ITGAM: variants seen among roughly 807,000 people sequenced by gnomAD.
ITGAM encodes integrin alpha-M.
In ITGAM, 79 loss-of-function variants were observed where a neutral mutation model predicts 137.5. The ratio of observed to expected loss-of-function variants is 0.57; its 90% CI spans 0.48 to 0.69. The LOEUF (loss-of-function observed/expected upper bound fraction) is 0.69. Ranked by LOEUF, ITGAM falls within the 30% of genes least tolerant of loss-of-function variation. ITGAM has a pLI of 0.00. For synonymous variants in ITGAM, 583 were observed against 592.3 expected (o/e 0.98, Z 0.23); for missense variants, 1,343 against 1,483.5 (o/e 0.91, Z 1.56).
chr16:31,293,260 T>G (rs1352193327), intron 12 of ITGAM, among the ~76,000 whole-genome samples: 1 of 152,208 alleles, frequency 6.6e-6, no homozygotes, highest in African/African-American at 2.4e-5. Flanking sequence ...TAGATGCCAT[T>G]TGTCAATTTT....
chr16:31,287,719 C>A (rs1281026943), intron 12 of ITGAM, among the ~76,000 whole-genome samples: 1 of 152,056 alleles, frequency 6.6e-6, no homozygotes, highest in Non-Finnish European at 1.5e-5. Context: ...CTCCTGATAC[C>A]TGAACAGCTT....
intron 8 of ITGAM, 68 bp downstream of exon 8, chr16:31,273,586 A>G (rs992971676): frequency 3.4e-6 from 5 of 1,469,854 alleles, no homozygotes; most frequent in East Asian, 2.3e-5. Context: ...CCTCCCTTCA[A>G]TTTGCAAATA....
intron 12 of ITGAM, among the ~76,000 whole-genome samples, chr16:31,284,642 G>C (rs889809141): frequency 3.2e-4 from 49 of 152,160 alleles, no homozygotes; most frequent in African/African-American, 1.2e-3. Flanking sequence ...CCCTTGGCTA[G>C]GAAAGGGAAT....
intron 26 of ITGAM, 45 bp downstream of exon 26, chr16:31,330,209 G>T (rs369305295): frequency 6.3e-7 from 1 of 1,599,660 alleles, no homozygotes; most frequent in Non-Finnish European, 8.6e-7. Flanking sequence ...GACCCAGAGC[G>T]CTTCCCTGCT....
At chr16:31,268,077 T>C (rs1307336630) in intron 5 of ITGAM, among the ~76,000 whole-genome samples, 1 of 152,124 alleles carries the variant, frequency 6.6e-6, no homozygotes, top group Non-Finnish European at 1.5e-5. Context: ...AAAACAATCT[T>C]CTCTCTTCCA....
At position 31,330,379 on chromosome 16, in the gene ITGAM, T is replaced by A. The variant is rs377563089; in HGVS notation, c.3132T>A (p.Asn1044Lys). The A allele has an allele frequency of 1.9e-6, 3 of 1,614,002 alleles. No homozygotes were observed. The highest frequency in any genetic ancestry group is 2.5e-6 in the Non-Finnish European group (3 of 1,179,852). ...TCTTTGGCATCCAGGAAGAATTCAA[T>A]GCTACCCTCAAAGGCAACCTCTCGT... ...IPFFGIQEEF[N>K]ATLKGNLSFD... Residue 1044 changes from asparagine (N) to lysine (K), a missense_variant, in exon 27 of 30, where the codon AAT becomes AAA. Asn to Lys is a moderately conservative substitution (Grantham distance 94, BLOSUM62 0). Coordinates refer to ENST00000544665, the MANE Select transcript of ITGAM (RefSeq NM_000632.4).
At position 31,271,880 on chromosome 16, in the gene ITGAM, A is replaced by C. The variant is rs2079844215; in HGVS notation, c.592A>C (p.Ile198Leu). The change falls in exon 7 of 30, where the codon ATT becomes CTT. Residue 198 changes from isoleucine (I) to leucine (L), a missense_variant. Ile to Leu is a conservative substitution (Grantham distance 5). Transcript: ENST00000544665. ...SLMQYSEEFR[I>L]HFTFKEFQNN... ...GATGCAGTACTCTGAAGAATTCCGG[A>C]TTCACTTTACCTTCAAAGAGTTCCA... 6.2e-7 allele frequency: 1 copy of C among 1,613,888 alleles called. No individual in the cohort carries two copies.
At chr16:31,319,003 TG>T (rs149326041) in intron 14 of ITGAM, among the ~76,000 whole-genome samples, 1,878 of 152,300 alleles carry the variant, frequency 0.012, 36 homozygotes, top group African/African-American at 0.043. Context: ...TACATATGTA[TG>T]TTTTTTTCCA....
In ITGAM at chr16:31,324,766, G is replaced by C. The variant is rs750666802; in HGVS notation, c.2273G>C (p.Arg758Thr). 2 of 1,570,342 alleles carry C rather than the reference G, an allele frequency of 1.3e-6. No homozygotes were observed. Among genetic ancestry groups the C allele is most frequent in the South Asian group, 1.2e-5 (1 of 82,490 alleles). Residue 758 changes from arginine to threonine, a missense_variant, in exon 18 of 30, where the codon AGA (arginine) becomes ACA (threonine). Physicochemically the swap from Arg to Thr is moderately conservative, Grantham distance 71 (BLOSUM62 -1). Transcript: ENST00000544665. This position sits in a 1 kb window ranked among gnomAD's most constrained non-coding sequence, Gnocchi z 4.5. ...LRPVLAEDAQ[R>T]LFTALFPFEK... ...CCAGTGCTGGCGGAGGATGCTCAGAGACTCTTCACAGCCTTGGTGAGTCCA... is the reference window on the plus strand; with the variant it reads ...CCAGTGCTGGCGGAGGATGCTCAGACACTCTTCACAGCCTTGGTGAGTCCA...
chr16:31,270,150 T>TCC (rs2079815233), intron 5 of ITGAM, among the ~76,000 whole-genome samples: 1 of 68,372 alleles, frequency 1.5e-5, no homozygotes, highest in Admixed American at 1.5e-4. Context: ...TTCCTTTCCT[T>TCC]TCCTTTCCTT....
intron 23 of ITGAM, chr16:31,328,869 C>A (rs989029827): frequency 2.6e-6 from 1 of 379,756 alleles, no homozygotes; most frequent in South Asian, 2.5e-5. Context: ...GGTCTATGTG[C>A]ATGTATGTGT....
At position 31,306,168 on chromosome 16, in the gene ITGAM, A is replaced by T. The variant is rs1159955333; in HGVS notation, c.1707+8214A>T. ...TATTTCTTGCTATAGCTATTATATG[A>T]TTAATCCAAGGTACCGAAAAGCATT... On this transcript the variant is annotated intron_variant, in intron 14 of 29. Coordinates refer to ENST00000544665, the MANE Select transcript of ITGAM (RefSeq NM_000632.4). Among the ~76,000 whole-genome samples the T allele has an allele frequency of 9.2e-5, 14 of 152,194 alleles. No homozygotes were observed. The East Asian group carries it at 2.5e-3, about 27-fold the overall frequency.
chr16:31,330,407 GACTGGT>G lies in ITGAM; in HGVS notation c.3163_3168del (p.Trp1055_Tyr1056del). ...TACCCTCAAAGGCAACCTCTCGTTT[GACTGGT>G]ACATCAAGGTGTGTGGGGTCCTGAG... On this transcript the variant is annotated inframe_deletion, in exon 27 of 30. Coordinates refer to ENST00000544665, the MANE Select transcript of ITGAM (RefSeq NM_000632.4). 6.2e-7 allele frequency: 1 copy of G among 1,613,680 alleles called. No individual in the cohort carries two copies. The highest frequency in any genetic ancestry group is 1.3e-5 in the African/African-American group (1 of 75,046).
chr16:31,289,325 A>G (rs1397883532), intron 12 of ITGAM, among the ~76,000 whole-genome samples: 1 of 152,224 alleles, frequency 6.6e-6, no homozygotes, highest in Non-Finnish European at 1.5e-5. Flanking sequence ...TTGCGGCTCT[A>G]TTCACAATAG....
At chr16:31,276,861 G>T in intron 10 of ITGAM, 59 bp from the exon 11 acceptor site, 1 of 1,593,438 alleles carries the variant, frequency 6.3e-7, no homozygotes, top group Non-Finnish European at 8.6e-7. Context: ...GTAGCTCTGT[G>T]AGGGGCAGCG....
Position 31,275,633 on chromosome 16 carries a change from GTGAATAACTTTGAGGCTC to G in ITGAM, c.948_965del (p.Asn316_Leu321del). ...GCCGCCTCGTGATCACGTGTTCCAG[GTGAATAACTTTGAGGCTC>G]TGAAGACCATTCAGAACCAGCTTCG... On this transcript the variant is annotated inframe_deletion, in exon 9 of 30. Transcript: ENST00000544665. The G allele has an allele frequency of 6.2e-7, 1 of 1,613,922 alleles. No individual in the cohort carries two copies. The highest frequency in any genetic ancestry group is 8.5e-7 in the Non-Finnish European group (1 of 1,179,878).
chr16:31,327,137 C>T (rs2080516739), intron 22 of ITGAM, among the ~76,000 whole-genome samples: 1 of 152,224 alleles, frequency 6.6e-6, no homozygotes, highest in Non-Finnish European at 1.5e-5. Flanking sequence ...GATAGTGGTT[C>T]CTGCCCTCTC....
rs761646784 is a variant in ITGAM at position 31,297,615 on chromosome 16, C to T, written c.1458C>T (p.Thr486=). ...LIGAPHYYEQ[T]RGGQVSVCPL... ...GGGCCCCCCATTACTACGAGCAGAC[C>T]CGAGGGGGCCAGGTGTCCGTGTGCC... Residue 486 remains threonine, a synonymous_variant, in exon 13 of 30, where the codon ACC becomes ACT. Coordinates refer to ENST00000544665, the MANE Select transcript of ITGAM (RefSeq NM_000632.4). The T allele has an allele frequency of 6.2e-7, 1 of 1,613,230 alleles. No individual in the cohort carries two copies.
intron 12 of ITGAM, among the ~76,000 whole-genome samples, chr16:31,280,752 A>G (rs2079959977): frequency 6.6e-6 from 1 of 152,150 alleles, no homozygotes; most frequent in Non-Finnish European, 1.5e-5. Flanking sequence ...TTCCAACACT[A>G]TGTTGAATAG....
Sources: allele counts gnomAD v4.1 joint callset (sites outside exome capture counted in the v4.1 genomes callset), GRCh38; gene constraint gnomAD v4.1.1; non-coding constraint Gnocchi (gnomAD v3.1); transcripts MANE v1.5; gene names NCBI Gene and HGNC (gene_info 2026-07-23, HGNC 2026-07-21).